TTC21A: variants seen among roughly 807,000 people sequenced by gnomAD.
The protein encoded by TTC21A is tetratricopeptide repeat protein 21A.
Under a neutral mutation model 156.4 loss-of-function variants are expected in TTC21A, and 128 were observed. The ratio of observed to expected loss-of-function variants is 0.82; its 90% CI spans 0.71 to 0.95. The LOEUF (loss-of-function observed/expected upper bound fraction) is 0.95. Among genes scored for constraint, TTC21A ranks in the 40% least tolerant of loss-of-function variants. The probability of loss-of-function intolerance (pLI) is 0.00; values close to 1 mark genes in which losing one functional copy is unlikely to be tolerated. For missense variants in TTC21A, 1,435 were observed against 1,602.3 expected, an observed-to-expected ratio of 0.90 and a Z score of 1.78; for synonymous variants, 587 against 617.1, an observed-to-expected ratio of 0.95 and a Z score of 0.72.
Position 39,130,383 on chromosome 3 carries a change from G to T in TTC21A, c.2319+25G>T. The T allele has an allele frequency of 6.4e-7, 1 of 1,572,752 alleles. No homozygotes were observed. Among genetic ancestry groups the T allele is most frequent in the Non-Finnish European group, 8.7e-7 (1 of 1,148,894 alleles). On this transcript the variant is annotated intron_variant, in intron 17 of 28. Coordinates refer to ENST00000683103, the MANE Select transcript of TTC21A (RefSeq NM_001366900.1). The surrounding 1 kb of genome is among the most constrained non-coding windows in gnomAD (Gnocchi z 4.5). ...GGTCAGGCTGGGCTAGGGTGTGAAGGGGCAGGGAGGGCCAGCCCAGCAGGG... is the reference window on the plus strand; with the variant it reads ...GGTCAGGCTGGGCTAGGGTGTGAAGTGGCAGGGAGGGCCAGCCCAGCAGGG...
rs1559715047 is a variant in TTC21A, at chr3:39,134,854, A to G, written c.2863-239A>G. On this transcript the variant is annotated intron_variant, in intron 21 of 28. Transcript: ENST00000683103. This position sits in a 1 kb window ranked among gnomAD's most constrained non-coding sequence, Gnocchi z 4.6. ...CCACTAGTCTTACCTTCCCATGTACATCCTCAACCCAACTCTTCTTGCCCC... is the reference window on the plus strand; with the variant it reads ...CCACTAGTCTTACCTTCCCATGTACGTCCTCAACCCAACTCTTCTTGCCCC... 3.4e-6 allele frequency: 2 copies of G among 586,108 alleles called. No individual in the cohort carries two copies. The highest frequency in any genetic ancestry group is 5.9e-5 in the Admixed American group (2 of 33,662). 36.3% of individuals were successfully genotyped at this position (586,108 alleles called of 1,614,324 possible).
At chr3:39,125,207 G>A in intron 10 of TTC21A, 47 bp downstream of exon 10, 1 of 1,546,784 alleles carries the variant, frequency 6.5e-7, no homozygotes, top group African/African-American at 1.4e-5. Context: ...GATGTCCTCT[G>A]CTGTCCTCCC....
intron 4 of TTC21A, 72 bp downstream of exon 4, chr3:39,111,089 A>G (rs1327714424): frequency 3.4e-6 from 5 of 1,484,672 alleles, no homozygotes; most frequent in Admixed American, 4.4e-5. Flanking sequence ...GGTGGCCCTC[A>G]TTCCCACAAA....
chr3:39,124,344 G>A (rs2038027221), intron 9 of TTC21A, among the ~76,000 whole-genome samples: 1 of 152,082 alleles, frequency 6.6e-6, no homozygotes, highest in African/African-American at 2.4e-5. Flanking sequence ...GGGAAAATAT[G>A]ACTATCATAT....
At chr3:39,124,590 C>T (rs1029675827) in intron 9 of TTC21A, among the ~76,000 whole-genome samples, 1 of 143,818 alleles carries the variant, frequency 7.0e-6, no homozygotes, top group Non-Finnish European at 1.5e-5. Context: ...ACCTGAGGGG[C>T]GGAGGTTGCA....
chr3:39,125,707 C>G lies in TTC21A; in HGVS notation c.1392+175C>G, dbSNP rs112529191. On this transcript the variant is annotated intron_variant, in intron 11 of 28. Transcript: ENST00000683103. ...ACTTGAACATACAGCACACAGGTCA[C>G]CTGGGAGGTTGTTCCAGTACAGATT... Among the ~76,000 whole-genome samples the G allele has an allele frequency of 0.017, 2,658 of 152,260 alleles. 51 individuals carry two copies. Among genetic ancestry groups the G allele is most frequent in the African/African-American group, 0.048 (1,995 of 41,542 alleles).
intron 5 of TTC21A, 148 bp from the exon 6 acceptor site, chr3:39,114,437 G>A: frequency 2.8e-6 from 2 of 722,600 alleles, no homozygotes; most frequent in South Asian, 3.3e-5. Context: ...GAACTTTGAG[G>A]GGCTACTGGC....
At position 39,130,111 on chromosome 3, in the gene TTC21A, C is replaced by T. The variant is rs558823470; in HGVS notation, c.2168C>T (p.Thr723Ile). The part of the protein sequence containing the change: ...ELCEHLPGPH[T>I]SLLLGDALMS... ...TGTGAACATCTGCCTGGCCCCCACACCAGCCTGCTACTGGGCGATGCCTTA... is the reference window on the plus strand; with the variant it reads ...TGTGAACATCTGCCTGGCCCCCACATCAGCCTGCTACTGGGCGATGCCTTA... Residue 723 changes from threonine to isoleucine, a missense_variant, in exon 16 of 29, where the codon ACC (threonine) becomes ATC (isoleucine). Transcript: ENST00000683103. This position sits in a 1 kb window ranked among gnomAD's most constrained non-coding sequence, Gnocchi z 4.5. The T allele has an allele frequency of 6.2e-7, 1 of 1,614,130 alleles. No individual in the cohort carries two copies. Among genetic ancestry groups the T allele is most frequent in the Admixed American group, 1.7e-5 (1 of 60,018 alleles).
rs140323832 is a variant in TTC21A at position 39,123,885 on chromosome 3, T to C, written c.1094-1178T>C. Among the ~76,000 whole-genome samples, 633 of 152,046 alleles carry C rather than the reference T, an allele frequency of 4.2e-3. 4 individuals carry two copies. Among genetic ancestry groups the C allele is most frequent in the African/African-American group, 0.015 (607 of 41,486 alleles). On this transcript the variant is annotated intron_variant, in intron 9 of 28. Coordinates refer to ENST00000683103, the MANE Select transcript of TTC21A (RefSeq NM_001366900.1). ...AACCAGGCAGGCTGTGAACAGAATATTCACAGTAGAAAGGAAAAGGCTATA... is the reference window on the plus strand; with the variant it reads ...AACCAGGCAGGCTGTGAACAGAATACTCACAGTAGAAAGGAAAAGGCTATA...
At chr3:39,133,539 G>A (rs140139637) in intron 20 of TTC21A, among the ~76,000 whole-genome samples, 4 of 152,330 alleles carry the variant, frequency 2.6e-5, no homozygotes, top group Admixed American at 6.5e-5. Flanking sequence ...TCAAGTCCCC[G>A]TTGGAGGTGG....
Position 39,126,248 on chromosome 3 carries a change from C to T in TTC21A, c.1393-13C>T, listed in dbSNP as rs942169727. The T allele has an allele frequency of 1.9e-6, 3 of 1,613,956 alleles. No homozygotes were observed. The highest frequency in any genetic ancestry group is 1.7e-6 in the Non-Finnish European group (2 of 1,179,930). On this transcript the variant is annotated splice_polypyrimidine_tract_variant and intron_variant, in intron 11 of 28. Coordinates refer to ENST00000683103, the MANE Select transcript of TTC21A (RefSeq NM_001366900.1). The stretch of plus-strand genomic sequence containing the variant: ...GCAAACCTACTCCCACCTCCACCGC[C>T]GTGTTCCCACAGCCCAGGTTACCAG...
rs1484333026 is a variant in TTC21A at position 39,114,645 on chromosome 3, A to G, written c.619A>G (p.Thr207Ala). The change falls in exon 6 of 29, where the codon ACT becomes GCT. Residue 207 changes from threonine to alanine, a missense_variant. Transcript: ENST00000683103. ...SEALEVVNQI[T>A]VTSGSFLPAL... ...GGCCCTGGAGGTGGTGAACCAGATC[A>G]CTGTGACTTCAGGGAGCTTCCTGCC... The G allele has an allele frequency of 6.2e-6, 10 of 1,614,076 alleles. No homozygotes were observed. Among genetic ancestry groups the G allele is most frequent in the Non-Finnish European group, 8.5e-6 (10 of 1,180,018 alleles).
chr3:39,124,846 A>C (rs1575530319), intron 9 of TTC21A, among the ~76,000 whole-genome samples: 2 of 152,284 alleles, frequency 1.3e-5, no homozygotes, highest in East Asian at 3.9e-4. Context: ...ACATTGTTAC[A>C]GCCAGAACAT....
Position 39,114,647 on chromosome 3 carries a change from T to C in TTC21A, c.621T>C (p.Thr207=). ...CCCTGGAGGTGGTGAACCAGATCACTGTGACTTCAGGGAGCTTCCTGCCAG... is the reference window on the plus strand; with the variant it reads ...CCCTGGAGGTGGTGAACCAGATCACCGTGACTTCAGGGAGCTTCCTGCCAG... ...SEALEVVNQI[T]VTSGSFLPAL... Residue 207 remains threonine (T), a synonymous_variant, in exon 6 of 29, where the codon ACT becomes ACC. Transcript: ENST00000683103. 3 of 1,614,202 alleles carry C rather than the reference T, an allele frequency of 1.9e-6. No homozygotes were observed. The highest frequency in any genetic ancestry group is 2.5e-6 in the Non-Finnish European group (3 of 1,180,026).
In TTC21A at chr3:39,110,995, A is replaced by C; in HGVS notation, c.413A>C (p.Lys138Thr). The C allele has an allele frequency of 6.2e-7, 1 of 1,611,638 alleles. No homozygotes were observed. Among genetic ancestry groups the C allele is most frequent in the African/African-American group, 1.3e-5 (1 of 74,946 alleles). ...KAKEYIDRML[K>T]ISRGFREAYV... ...AAAGAGTACATTGACCGCATGCTGAAGATTTCTAGAGGCTTCAGAGAGGTA... is the reference window on the plus strand; with the variant it reads ...AAAGAGTACATTGACCGCATGCTGACGATTTCTAGAGGCTTCAGAGAGGTA... Residue 138 changes from lysine (K) to threonine (T), a missense_variant, in exon 4 of 29, where the codon AAG becomes ACG. Coordinates refer to ENST00000683103, the MANE Select transcript of TTC21A (RefSeq NM_001366900.1).
Position 39,130,733 on chromosome 3 carries a change from T to G in TTC21A, c.2352T>G (p.Ile784Met). The G allele has an allele frequency of 6.2e-7, 1 of 1,614,208 alleles. No individual in the cohort carries two copies. Among genetic ancestry groups the G allele is most frequent in the Non-Finnish European group, 8.5e-7 (1 of 1,180,032 alleles). Residue 784 changes from isoleucine (I) to methionine (M), a missense_variant, in exon 18 of 29, where the codon ATT becomes ATG. Ile to Met is a conservative substitution (Grantham distance 10). Coordinates refer to ENST00000683103, the MANE Select transcript of TTC21A (RefSeq NM_001366900.1). The surrounding 1 kb of genome is among the most constrained non-coding windows in gnomAD (Gnocchi z 4.5). The stretch of plus-strand genomic sequence containing the variant: ...AGTATTATGAGGCTGCCCAGAAGAT[T>G]AATGGACAGGACTTTCTGTGCTGCG... ...AIEYYEAAQKINGQDFLCCDL... is the reference protein window; with the variant it reads ...AIEYYEAAQKMNGQDFLCCDL...
Position 39,130,715 on chromosome 3 carries a change from T to G in TTC21A, c.2334T>G (p.Tyr778Ter). 1 of 1,614,220 alleles carries G rather than the reference T, an allele frequency of 6.2e-7. No individual in the cohort carries two copies. The highest frequency in any genetic ancestry group is 8.5e-7 in the Non-Finnish European group (1 of 1,180,032). ...AHQYTEAIEY[Y>*]EAAQKINGQD... is the part of the protein sequence containing the mutation. ...TTTGCACTAAGGCAATTGAGTATTA[T>G]GAGGCTGCCCAGAAGATTAATGGAC... Residue 778 changes from tyrosine (Y) to a stop codon, truncating the protein, a stop_gained, in exon 18 of 29, where the codon TAT (tyrosine) becomes TAG (stop). Coordinates refer to ENST00000683103, the MANE Select transcript of TTC21A (RefSeq NM_001366900.1). LOFTEE classifies it high-confidence loss of function. This position sits in a 1 kb window ranked among gnomAD's most constrained non-coding sequence, Gnocchi z 4.5.
chr3:39,120,555 G>T (rs1362753224), intron 8 of TTC21A, among the ~76,000 whole-genome samples: 1 of 152,190 alleles, frequency 6.6e-6, no homozygotes, highest in Non-Finnish European at 1.5e-5. Context: ...GGCAACTCTG[G>T]GACCCCAGGA....
chr3:39,112,825 C>T (rs2036948322), intron 5 of TTC21A, among the ~76,000 whole-genome samples: 1 of 152,158 alleles, frequency 6.6e-6, no homozygotes, highest in Admixed American at 6.5e-5. Flanking sequence ...GGGGTCTTCT[C>T]AGGGTCACTT....
Sources: allele counts gnomAD v4.1 joint callset (sites outside exome capture counted in the v4.1 genomes callset), GRCh38; gene constraint gnomAD v4.1.1; non-coding constraint Gnocchi (gnomAD v3.1); transcripts MANE v1.5; gene names NCBI Gene and HGNC (gene_info 2026-07-23, HGNC 2026-07-21).